Variants in AFF3 observed in about 807,000 individuals in gnomAD.
AFF3 encodes the protein AF4/FMR2 family member 3.
In AFF3, 32 loss-of-function variants were observed where a neutral mutation model predicts 129.7. The observed-to-expected ratio is 0.25, with a 90% CI of 0.19 to 0.33. The LOEUF (loss-of-function observed/expected upper bound fraction) is 0.33. AFF3 is among the 10% of genes least tolerant of loss of function. AFF3 has a pLI of 1.00. For missense variants in AFF3, 1,373 were observed against 1,592.0 expected, an observed-to-expected ratio of 0.86 and a Z score of 2.34; for synonymous variants, 644 against 635.4, an observed-to-expected ratio of 1.01 and a Z score of -0.20.
chr2:99,765,088 C>T (rs763497037), intron 8 of AFF3, among the ~76,000 whole-genome samples: 16 of 152,106 alleles, frequency 1.1e-4, no homozygotes, highest in Non-Finnish European at 1.9e-4. Context: ...AGAAAATGCA[C>T]GTTACTAACT....
intron 7 of AFF3, among the ~76,000 whole-genome samples, chr2:99,983,597 C>G (rs1679601005): frequency 6.6e-6 from 1 of 152,166 alleles, no homozygotes; most frequent in Non-Finnish European, 1.5e-5. Context: ...GCAACAGGAC[C>G]AGTCTCCTTT....
intron 7 of AFF3, among the ~76,000 whole-genome samples, chr2:99,998,963 A>G (rs546502268): frequency 3.3e-5 from 5 of 152,140 alleles, no homozygotes; most frequent in African/African-American, 1.2e-4. Flanking sequence ...TCCCTCCTAT[A>G]TTGCTCTGTT....
At chr2:100,032,059 C>T (rs1684537248) in intron 4 of AFF3, among the ~76,000 whole-genome samples, 1 of 152,112 alleles carries the variant, frequency 6.6e-6, no homozygotes, top group Non-Finnish European at 1.5e-5. Flanking sequence ...ATGTACCAAA[C>T]AAGTAGACTT....
intron 7 of AFF3, among the ~76,000 whole-genome samples, chr2:99,999,443 G>T (rs751452282): frequency 2.6e-5 from 4 of 152,132 alleles, no homozygotes; most frequent in Non-Finnish European, 5.9e-5. Flanking sequence ...CTATGTGCCA[G>T]GAACCATTAG....
chr2:99,841,828 A>C (rs1689338129), intron 7 of AFF3, among the ~76,000 whole-genome samples: 1 of 152,196 alleles, frequency 6.6e-6, no homozygotes, highest in South Asian at 2.1e-4. Flanking sequence ...TGAGTTCTCT[A>C]CTATCTCATG....
chr2:99,777,259 C>A (rs778118058), intron 8 of AFF3, among the ~76,000 whole-genome samples: 1 of 152,118 alleles, frequency 6.6e-6, no homozygotes, highest in Non-Finnish European at 1.5e-5. Flanking sequence ...CAGGAGCATC[C>A]TGGGAGAGTG....
At chr2:99,751,924 T>C (rs1318922264) in intron 9 of AFF3, among the ~76,000 whole-genome samples, 1 of 152,248 alleles carries the variant, frequency 6.6e-6, no homozygotes, top group African/African-American at 2.4e-5. Context: ...ATACATCACA[T>C]TGAATGTTTA....
intron 4 of AFF3, among the ~76,000 whole-genome samples, chr2:100,044,918 C>T (rs983370050): frequency 3.9e-5 from 6 of 152,034 alleles, no homozygotes; most frequent in African/African-American, 1.4e-4. Context: ...GCAAGTCAGA[C>T]CATCACGTCA....
In AFF3 at chr2:99,830,081, A is replaced by G. The variant is rs796283784; in HGVS notation, c.921+7396T>C. Among the ~76,000 whole-genome samples, 3 of 152,268 alleles carry G rather than the reference A, an allele frequency of 2.0e-5. No individual in the cohort carries two copies. In the South Asian group the frequency reaches 6.2e-4, roughly 32 times the overall value. ...AGTGGGAGTTGAACAATGAGAACAC[A>G]TGGACACAAGGAGGGGAACATCACA... On this transcript the variant is annotated intron_variant, in intron 8 of 24. Transcript: ENST00000672756.
At chr2:99,596,999 T>C (rs1318958410) in intron 14 of AFF3, among the ~76,000 whole-genome samples, 1 of 152,216 alleles carries the variant, frequency 6.6e-6, no homozygotes, top group Non-Finnish European at 1.5e-5. Flanking sequence ...TCATCTTTCA[T>C]TGTCAGAATA....
intron 11 of AFF3, among the ~76,000 whole-genome samples, chr2:99,701,479 G>GT (rs920988974): frequency 6.6e-6 from 1 of 152,156 alleles, no homozygotes; most frequent in Non-Finnish European, 1.5e-5. Flanking sequence ...AGAATGATGA[G>GT]TATGTTTTCA....
intron 13 of AFF3, among the ~76,000 whole-genome samples, chr2:99,643,851 C>T (rs187789208): frequency 3.9e-4 from 59 of 152,340 alleles, no homozygotes; most frequent in Non-Finnish European, 1.8e-4. Flanking sequence ...TCCTCATTTA[C>T]TTAATTTCAT....
chr2:100,095,674 G>A (rs547292204), intron 4 of AFF3, among the ~76,000 whole-genome samples: 6 of 152,320 alleles, frequency 3.9e-5, no homozygotes, highest in South Asian at 2.1e-4. Context: ...GTGTGTATGT[G>A]CACTCATGTG....
intron 5 of AFF3, chr2:100,007,911 G>T (rs1682125243): frequency 5.6e-6 from 1 of 177,020 alleles, no homozygotes; most frequent in Non-Finnish European, 1.2e-5. Flanking sequence ...GGAGGCAGAG[G>T]TTGCAGTGAG....
intron 13 of AFF3, among the ~76,000 whole-genome samples, chr2:99,637,771 CTCTCT>C (rs1264504654): frequency 6.6e-6 from 1 of 152,202 alleles, no homozygotes. Context: ...TAAGTCTTCT[CTCTCT>C]TAATTCCAAC....
intron 4 of AFF3, among the ~76,000 whole-genome samples, chr2:100,027,298 T>C (rs906346295): frequency 2.6e-5 from 4 of 152,178 alleles, no homozygotes; most frequent in Admixed American, 1.3e-4. Context: ...AATGGTGGTC[T>C]CTGATAAATA....
intron 13 of AFF3, chr2:99,630,917 T>C (rs1683063162): frequency 8.1e-6 from 3 of 372,440 alleles, no homozygotes; most frequent in Non-Finnish European, 1.7e-5. Context: ...TGGGCTCACC[T>C]TGTAGAAGAA....
intron 7 of AFF3, among the ~76,000 whole-genome samples, chr2:100,000,091 T>C (rs1324646665): frequency 6.6e-6 from 1 of 152,218 alleles, no homozygotes; most frequent in African/African-American, 2.4e-5. Flanking sequence ...TGGTTAATCA[T>C]GTGGAGATAA....
intron 7 of AFF3, among the ~76,000 whole-genome samples, chr2:99,896,620 C>CTTTTTT (rs35573862): frequency 0.033 from 1,200 of 36,120 alleles, 460 homozygotes; most frequent in Middle Eastern, 0.071. Context: ...TGTCAAAATG[C>CTTTTTT]TTTTTTTTTT....
Sources: allele counts gnomAD v4.1 joint callset (sites outside exome capture counted in the v4.1 genomes callset), GRCh38; gene constraint gnomAD v4.1.1; transcripts MANE v1.5; gene names NCBI Gene and HGNC (gene_info 2026-07-23, HGNC 2026-07-21).